KLF12: variants seen among roughly 807,000 people sequenced by gnomAD.
The protein encoded by KLF12 is Krueppel-like factor 12.
A neutral mutation model predicts 37.8 loss-of-function variants in KLF12; 9 were observed. The observed-to-expected ratio is 0.24, with a 90% confidence interval of 0.14 to 0.42. KLF12 has a LOEUF of 0.42. KLF12 is among the 10% of genes least tolerant of loss of function. The probability of loss-of-function intolerance (pLI) is 1.00; values close to 1 mark genes in which losing one functional copy is unlikely to be tolerated. For missense variants in KLF12, 411 were observed against 516.0 expected, an observed-to-expected ratio of 0.80 and a Z score of 1.97; for synonymous variants, 208 against 202.1, an observed-to-expected ratio of 1.03 and a Z score of -0.25.
intron 1 of KLF12, among the ~76,000 whole-genome samples, chr13:74,041,048 C>G (rs1893388644): frequency 6.6e-6 from 1 of 152,176 alleles, no homozygotes; most frequent in Non-Finnish European, 1.5e-5. Context: ...AATACAACCC[C>G]AAATAACATC....
rs1183796462 is a variant in KLF12, at chr13:73,939,194, G to C, written c.123+4787C>G. On this transcript the variant is annotated intron_variant, in intron 3 of 7. Coordinates refer to ENST00000377669, the MANE Select transcript of KLF12 (RefSeq NM_007249.5). ...CTCCTTCCCCGCGGCAGATTCCTCA[G>C]ACTTAGGAAATAAACAGTGAGGGTG... Among the ~76,000 whole-genome samples the C allele has an allele frequency of 3.3e-5, 5 of 152,158 alleles. No individual in the cohort carries two copies. The East Asian group carries it at 9.6e-4, about 29-fold the overall frequency.
At chr13:73,747,962 T>A (rs1439044388) in intron 6 of KLF12, among the ~76,000 whole-genome samples, 1 of 152,166 alleles carries the variant, frequency 6.6e-6, no homozygotes, top group African/African-American at 2.4e-5. Context: ...GTGAAAAGCT[T>A]AAGAATGTAA....
At chr13:74,194,273 T>C in the KLF12 span, among the ~76,000 whole-genome samples, 3 of 152,154 alleles carry the variant, frequency 2.0e-5, no homozygotes, top group Non-Finnish European at 4.4e-5. Flanking sequence ...AGAGCAGAAA[T>C]GTTATTGAAG....
chr13:74,153,000 G>A, the KLF12 span, among the ~76,000 whole-genome samples: 1 of 151,548 alleles, frequency 6.6e-6, no homozygotes, highest in Non-Finnish European at 1.5e-5. Flanking sequence ...AATGTAGAAA[G>A]GTATAATAAT....
chr13:74,130,735 C>A (rs1421489053), intron 1 of KLF12, among the ~76,000 whole-genome samples: 1 of 151,566 alleles, frequency 6.6e-6, no homozygotes, highest in Non-Finnish European at 1.5e-5. Flanking sequence ...AGCTCATGTT[C>A]ATTAATCAGC....
chr13:73,778,004 C>T (rs1280163902), intron 5 of KLF12, among the ~76,000 whole-genome samples: 1 of 151,898 alleles, frequency 6.6e-6, no homozygotes, highest in Non-Finnish European at 1.5e-5. Flanking sequence ...CATGGTGGCG[C>T]ATGCCTGTAA....
chr13:74,297,042 G>A, the KLF12 span, among the ~76,000 whole-genome samples: 3 of 145,070 alleles, frequency 2.1e-5, no homozygotes, highest in African/African-American at 4.9e-5. Context: ...TCATGGGGGG[G>A]ACTCTTGGAA....
intron 5 of KLF12, among the ~76,000 whole-genome samples, chr13:73,779,817 G>C (rs1590380): frequency 0.6 from 91,196 of 152,048 alleles, 27,928 homozygotes; most frequent in African/African-American, 0.74. Flanking sequence ...TGTTGGACAC[G>C]TTCTTGGCAT....
intron 5 of KLF12, 23 bp from the exon 6 acceptor site, chr13:73,765,023 C>T: frequency 7.0e-7 from 1 of 1,427,406 alleles, no homozygotes; most frequent in Non-Finnish European, 9.7e-7. Context: ...AAGAATAATC[C>T]AGTCATTGAA....
At chr13:73,997,200 A>C (rs1337320985) in intron 1 of KLF12, among the ~76,000 whole-genome samples, 1 of 152,164 alleles carries the variant, frequency 6.6e-6, no homozygotes, top group African/African-American at 2.4e-5. Flanking sequence ...GTAACAGATG[A>C]GGACACAGAT....
chr13:73,896,796 C>G (rs1887788732), intron 3 of KLF12, among the ~76,000 whole-genome samples: 1 of 152,048 alleles, frequency 6.6e-6, no homozygotes, highest in Non-Finnish European at 1.5e-5. Context: ...TCACTTTTTT[C>G]TTTTCTATAC....
chr13:74,280,061 G>A, the KLF12 span, among the ~76,000 whole-genome samples: 1 of 152,178 alleles, frequency 6.6e-6, no homozygotes, highest in Admixed American at 6.5e-5. Context: ...CCTTAGGGTT[G>A]CAAATGGGCT....
chr13:74,124,264 A>G (rs1260476459), intron 1 of KLF12, among the ~76,000 whole-genome samples: 1 of 152,238 alleles, frequency 6.6e-6, no homozygotes, highest in Non-Finnish European at 1.5e-5. Flanking sequence ...TGCATATTCC[A>G]AAGTCTGTTA....
the KLF12 span, among the ~76,000 whole-genome samples, chr13:74,226,810 AAC>A: frequency 6.6e-6 from 1 of 152,128 alleles, no homozygotes; most frequent in Non-Finnish European, 1.5e-5. Flanking sequence ...TTCATTCCTC[AAC>A]ATTCTGCCCT....
intron 4 of KLF12, among the ~76,000 whole-genome samples, chr13:73,840,375 T>G (rs768896411): frequency 6.6e-6 from 1 of 152,122 alleles, no homozygotes; most frequent in Non-Finnish European, 1.5e-5. Flanking sequence ...GGTACCCAAA[T>G]TTTATTTCTC....
chr13:73,717,778 CAG>C (rs988899106), intron 6 of KLF12, among the ~76,000 whole-genome samples: 2 of 152,174 alleles, frequency 1.3e-5, no homozygotes, highest in African/African-American at 4.8e-5. Flanking sequence ...GGAGTCAAAA[CAG>C]TGTGACTGGC....
chr13:74,276,478 A>G, the KLF12 span, among the ~76,000 whole-genome samples: 3 of 152,298 alleles, frequency 2.0e-5, no homozygotes, highest in South Asian at 2.1e-4. Flanking sequence ...AATATATACT[A>G]TACCATCTTC....
chr13:74,290,557 C>G, the KLF12 span, among the ~76,000 whole-genome samples: 2 of 152,172 alleles, frequency 1.3e-5, no homozygotes, highest in Non-Finnish European at 2.9e-5. Context: ...ACAGAGGAAC[C>G]GCCAATGAGA....
At chr13:74,098,592 C>G (rs1419060822) in intron 1 of KLF12, among the ~76,000 whole-genome samples, 3 of 152,104 alleles carry the variant, frequency 2.0e-5, no homozygotes, top group African/African-American at 7.2e-5. Context: ...TACCCTAGAG[C>G]CCTAGAGATA....
Sources: allele counts gnomAD v4.1 joint callset (sites outside exome capture counted in the v4.1 genomes callset), GRCh38; gene constraint gnomAD v4.1.1; transcripts MANE v1.5; gene names NCBI Gene and HGNC (gene_info 2026-07-23, HGNC 2026-07-21).